Variants in ZBTB16 observed in about 807,000 individuals in gnomAD.
ZBTB16 encodes zinc finger and BTB domain-containing protein 16.
Under a neutral mutation model 56.8 loss-of-function variants are expected in ZBTB16, and 8 were observed. That is an observed-to-expected ratio of 0.14 (90% CI 0.08 to 0.25). The LOEUF (loss-of-function observed/expected upper bound fraction) is 0.25. ZBTB16 is among the 10% of genes least tolerant of loss of function. ZBTB16 has a pLI of 1.00. For missense variants in ZBTB16, 625 were observed against 903.0 expected, an observed-to-expected ratio of 0.69 and a Z score of 3.95; for synonymous variants, 363 against 368.5, an observed-to-expected ratio of 0.98 and a Z score of 0.17.
intron 5 of ZBTB16, 70 bp downstream of exon 5, chr11:114,242,407 G>C (rs567251869): frequency 6.3e-7 from 1 of 1,577,796 alleles, no homozygotes; most frequent in Admixed American, 1.8e-5. Context: ...CTCCAAGGAC[G>C]TAAAGTGGAG....
chr11:114,146,779 G>A (rs889208006), intron 2 of ZBTB16, among the ~76,000 whole-genome samples: 1 of 150,828 alleles, frequency 6.6e-6, no homozygotes, highest in African/African-American at 2.4e-5. Flanking sequence ...AACCTGGGAG[G>A]CAGAGGTTGC....
Position 114,064,519 on chromosome 11 carries a change from A to G in ZBTB16, c.1219A>G (p.Ser407Gly). ...GAGCCGGACCATCGGAGAGCAGTGC[A>G]GCGTGTGTGGGGTCGAGCTTCCTGA... Reference protein sequence around the residue: ...SESRTIGEQCSVCGVELPDNE... With the variant: ...SESRTIGEQCGVCGVELPDNE... Residue 407 changes from serine to glycine, a missense_variant, in exon 2 of 7, where the codon AGC becomes GGC. By Grantham distance (56) the Ser-to-Gly change is moderately conservative (BLOSUM62 0). Around this residue, in one of 6 missense-constraint regions of ZBTB16, gnomAD observed 384 missense variants for 393.5 expected, o/e 0.98. Coordinates refer to ENST00000335953, the MANE Select transcript of ZBTB16 (RefSeq NM_006006.6). This position sits in a 1 kb window ranked among gnomAD's most constrained non-coding sequence, Gnocchi z 4.2. The G allele has an allele frequency of 6.2e-7, 1 of 1,614,058 alleles. No individual in the cohort carries two copies.
chr11:114,092,162 GGAGACCC>G (rs1233001735), intron 2 of ZBTB16, among the ~76,000 whole-genome samples: 1 of 152,230 alleles, frequency 6.6e-6, no homozygotes, highest in African/African-American at 2.4e-5. Flanking sequence ...CACTGAAACA[GGAGACCC>G]GAGAGGCTCC....
At position 114,097,199 on chromosome 11, in the gene ZBTB16, A is replaced by G. The variant is rs188229191; in HGVS notation, c.1268+32631A>G. On this transcript the variant is annotated intron_variant, in intron 2 of 6. Coordinates refer to ENST00000335953, the MANE Select transcript of ZBTB16 (RefSeq NM_006006.6). ...TACTAGGTGAAATAAGCTAGATAGC[A>G]AAGGACAGATAGTGTATGGTGCCAT... 1.9e-3 allele frequency among the ~76,000 whole-genome samples: 288 copies of G among 152,350 alleles called. 1 individual carries two copies. The highest frequency in any genetic ancestry group is 5.0e-3 in the African/African-American group (208 of 41,586).
Position 114,064,560 on chromosome 11 carries a change from G to A in ZBTB16, c.1260G>A (p.Glu420=). 1 of 1,613,836 alleles carries A rather than the reference G, an allele frequency of 6.2e-7. No homozygotes were observed. Among genetic ancestry groups the A allele is most frequent in the Non-Finnish European group, 8.5e-7 (1 of 1,180,028 alleles). The change falls in exon 2 of 7, where the codon GAG becomes GAA. Residue 420 remains glutamate, a synonymous_variant. Transcript: ENST00000335953. This position sits in a 1 kb window ranked among gnomAD's most constrained non-coding sequence, Gnocchi z 4.2. The part of the protein sequence containing the change: ...GVELPDNEAV[E]QHRKLHSGMK... ...AGCTTCCTGATAACGAGGCTGTGGA[G>A]CAGCACAGGTAGGCCCCGCTCCAGC...
chr11:114,124,372 A>C (rs904605484), intron 2 of ZBTB16, among the ~76,000 whole-genome samples: 4 of 151,930 alleles, frequency 2.6e-5, no homozygotes, highest in African/African-American at 9.7e-5. Flanking sequence ...ATTTACCCCC[A>C]AATGCTTCTC....
At chr11:114,232,838 C>G (rs933123843) in intron 4 of ZBTB16, among the ~76,000 whole-genome samples, 1 of 152,198 alleles carries the variant, frequency 6.6e-6, no homozygotes, top group African/African-American at 2.4e-5. Context: ...CCATTGTCCT[C>G]GCCCCCAGCG....
intron 4 of ZBTB16, among the ~76,000 whole-genome samples, chr11:114,230,900 G>T (rs1258409895): frequency 1.3e-5 from 2 of 151,942 alleles, no homozygotes; most frequent in South Asian, 2.1e-4. Context: ...TTCTGTCTGG[G>T]TCTCCTCCTG....
intron 3 of ZBTB16, among the ~76,000 whole-genome samples, chr11:114,169,013 T>C (rs1399347615): frequency 2.0e-5 from 3 of 152,092 alleles, no homozygotes; most frequent in Non-Finnish European, 2.9e-5. Flanking sequence ...TGTGGGTTAG[T>C]GTGTGGCCCT....
intron 2 of ZBTB16, among the ~76,000 whole-genome samples, chr11:114,131,234 T>G (rs968014525): frequency 1.3e-5 from 2 of 152,190 alleles, no homozygotes; most frequent in Non-Finnish European, 2.9e-5. Context: ...GGGTAGAGGC[T>G]GGGGCTGTTT....
chr11:114,063,300 C>A lies in ZBTB16; in HGVS notation c.-1C>A, dbSNP rs200061176. The A allele has an allele frequency of 6.2e-7, 1 of 1,613,764 alleles. No homozygotes were observed. Among genetic ancestry groups the A allele is most frequent in the East Asian group, 2.2e-5 (1 of 44,882 alleles). On this transcript the variant is annotated 5_prime_UTR_variant, in exon 2 of 7. Coordinates refer to ENST00000335953, the MANE Select transcript of ZBTB16 (RefSeq NM_006006.6). The surrounding 1 kb of genome is among the most constrained non-coding windows in gnomAD (Gnocchi z 6.5). ...CTCATGCCTGAGCCGAGGGGAGCAC[C>A]ATGGATCTGACAAAAATGGGCATGA...
intron 3 of ZBTB16, among the ~76,000 whole-genome samples, chr11:114,171,793 C>T (rs1490945627): frequency 6.6e-6 from 1 of 152,252 alleles, no homozygotes; most frequent in Admixed American, 6.5e-5. Flanking sequence ...GGACTATCTG[C>T]TTCCTTCCTC....
chr11:114,236,845 T>G (rs928200488), intron 4 of ZBTB16, among the ~76,000 whole-genome samples: 4 of 152,196 alleles, frequency 2.6e-5, no homozygotes, highest in African/African-American at 9.7e-5. Flanking sequence ...TATAATCTAT[T>G]AGGCAGAGCT....
intron 4 of ZBTB16, among the ~76,000 whole-genome samples, chr11:114,192,758 C>T (rs1159915614): frequency 3.3e-5 from 5 of 152,188 alleles, no homozygotes; most frequent in Admixed American, 3.3e-4. Context: ...CCGGGTCTCC[C>T]AGGGTCCCAG....
chr11:114,202,458 G>A (rs1435069687), intron 4 of ZBTB16, among the ~76,000 whole-genome samples: 4 of 152,120 alleles, frequency 2.6e-5, no homozygotes, highest in Non-Finnish European at 5.9e-5. Context: ...GCATTCCCAG[G>A]GCCTTCTGTG....
Position 114,256,022 on chromosome 11 carries a change from G to GTTTTTTTTTTTTTTTTTTTTTTTTT in ZBTB16, c.*5479_*5480insTTTTTTTTTTTTTTTTTTTTTTTTT, listed in dbSNP as rs61107073. Reference sequence around the variant, plus strand: ...TTATTGAAGTACTTGGTTTTGTTTTGTTTTTTTTTTTTGTTTTTTTTGCCT... The same window carrying GTTTTTTTTTTTTTTTTTTTTTTTTT: ...TTATTGAAGTACTTGGTTTTGTTTTGTTTTTTTTTTTTTTTTTTTTTTTTTTTTTTTTTTTTTGTTTTTTTTGCCT... On this transcript the variant is annotated 3_prime_UTR_variant, in exon 7 of 7. Transcript: ENST00000335953. Among the ~76,000 whole-genome samples the GTTTTTTTTTTTTTTTTTTTTTTTTT allele has an allele frequency of 7.0e-6, 1 of 143,082 alleles. No homozygotes were observed. The highest frequency in any genetic ancestry group is 2.6e-5 in the African/African-American group (1 of 38,558). The allele number at this position is 143,082 out of a possible 152,430, so 93.9% of individuals were successfully genotyped here.
At chr11:114,126,803 C>T (rs1941521096) in intron 2 of ZBTB16, among the ~76,000 whole-genome samples, 1 of 152,110 alleles carries the variant, frequency 6.6e-6, no homozygotes, top group Non-Finnish European at 1.5e-5. Context: ...GCCTGAGGAC[C>T]CAGTGAGCTC....
intron 2 of ZBTB16, among the ~76,000 whole-genome samples, chr11:114,154,948 T>G (rs1375140892): frequency 6.6e-6 from 1 of 152,174 alleles, no homozygotes; most frequent in Non-Finnish European, 1.5e-5. Flanking sequence ...CTCACCTGGG[T>G]CCACCACATG....
intron 4 of ZBTB16, among the ~76,000 whole-genome samples, chr11:114,190,784 T>TAC (rs900859173): frequency 6.6e-6 from 1 of 151,666 alleles, no homozygotes; most frequent in African/African-American, 2.4e-5. Flanking sequence ...TGTGTATACA[T>TAC]ACACACACAA....
Sources: gnomAD v4.1 joint callset for allele counts (sites outside exome capture counted in the v4.1 genomes callset) on GRCh38, gnomAD v4.1.1 for gene constraint, gnomAD v4.1.1 regional missense constraint, Gnocchi (gnomAD v3.1) non-coding constraint, MANE v1.5 for transcripts, NCBI Gene and HGNC (gene_info 2026-07-23, HGNC 2026-07-21) for gene names.